MICAL1: variants seen among roughly 807,000 people sequenced by gnomAD.
MICAL1 encodes microtubule associated monooxygenase, calponin and LIM domain containing 1.
MICAL1 carries 95 observed loss-of-function variants against 131.8 expected under a neutral mutation model. The ratio of observed to expected loss-of-function variants is 0.72; its 90% confidence interval spans 0.61 to 0.86. The LOEUF (loss-of-function observed/expected upper bound fraction) is 0.86, where lower values mean the gene tolerates loss of function less well. Among genes scored for constraint, MICAL1 ranks in the 40% least tolerant of loss-of-function variants. MICAL1 has a pLI of 0.00. For synonymous variants in MICAL1, 546 were observed against 554.2 expected, an observed-to-expected ratio of 0.99 and a Z score of 0.21; for missense variants, 1,292 against 1,380.6, an observed-to-expected ratio of 0.94 and a Z score of 1.02.
At position 109,448,229 on chromosome 6, in the gene MICAL1, G is replaced by T. The variant is rs763543444; in HGVS notation, c.1829C>A (p.Ala610Asp). Residue 610 changes from alanine to aspartate, a missense_variant, in exon 13 of 25, where the codon GCC (alanine) becomes GAC (aspartate). Ala to Asp is a moderately radical substitution (Grantham distance 126). Transcript: ENST00000358807. ...LIAYLSHFHS[A>D]FKSMAHSPGP... is the part of the protein sequence containing the mutation. ...TGGGCTGTGGGCCATGCTCTTGAAGGCACTGTGGAAGTGGCTGAGGTAGGC... is the reference window on the plus strand; with the variant it reads ...TGGGCTGTGGGCCATGCTCTTGAAGTCACTGTGGAAGTGGCTGAGGTAGGC... 8.1e-6 allele frequency: 13 copies of T among 1,613,014 alleles called. No individual in the cohort carries two copies. Among genetic ancestry groups the T allele is most frequent in the Non-Finnish European group, 1.1e-5 (13 of 1,179,980 alleles).
At chr6:109,458,123 GAA>G (rs34496161), upstream of MICAL1, among the ~76,000 whole-genome samples, 2,730 of 137,412 alleles carry the variant, frequency 0.02, 93 homozygotes, top group African/African-American at 0.072. Context: ...TTTCTTCCAA[GAA>G]AAAAAAAAAA....
In MICAL1 at chr6:109,448,778, C is replaced by T; in HGVS notation, c.1618G>A (p.Gly540Arg). 1.2e-6 allele frequency: 2 copies of T among 1,614,120 alleles called. No individual in the cohort carries two copies. Among genetic ancestry groups the T allele is most frequent in the East Asian group, 2.2e-5 (1 of 44,876 alleles). ...VSDLSSSWAD[G>R]LALCALVYRL... ...TACACCAGGGCACACAGAGCTAGCCCATCAGCCCAGGAGGAAGACAAATCG... is the reference window on the plus strand; with the variant it reads ...TACACCAGGGCACACAGAGCTAGCCTATCAGCCCAGGAGGAAGACAAATCG... The change falls in exon 12 of 25, where the codon GGG becomes AGG. Residue 540 changes from glycine to arginine, a missense_variant. By Grantham distance (125) the Gly-to-Arg change is moderately radical. Coordinates refer to ENST00000358807, the MANE Select transcript of MICAL1 (RefSeq NM_022765.4).
chr6:109,465,705 G>A (rs748193818), exon 1 of MICAL1: 100 of 1,604,752 alleles, frequency 6.2e-5, no homozygotes, highest in Non-Finnish European at 8.3e-5. Context: ...TGGATGGAGG[G>A]CATTATAAAC....
At position 109,453,848 on chromosome 6, in the gene MICAL1, G is replaced by A. The variant is rs1775640912; in HGVS notation, c.259-3C>T. 1.2e-6 allele frequency: 2 copies of A among 1,613,026 alleles called. No homozygotes were observed. The highest frequency in any genetic ancestry group is 2.2e-5 in the South Asian group (2 of 91,072). On this transcript the variant is annotated splice_region_variant and splice_polypyrimidine_tract_variant and intron_variant, in intron 2 of 24. Transcript: ENST00000358807. ...GGTCCAGCACCCACCACCAGGCACT[G>A]TGAACACACAGGGCAGTGAGGGCAT...
intron 9 of MICAL1, 47 bp from the exon 10 acceptor site, chr6:109,449,830 T>C (rs1468276269): frequency 6.3e-7 from 1 of 1,589,624 alleles, no homozygotes; most frequent in Admixed American, 1.7e-5. Context: ...GGAGGGCACC[T>C]GTCAGCACCC....
intron 7 of MICAL1, among the ~76,000 whole-genome samples, chr6:109,451,118 T>C (rs901165854): frequency 6.6e-6 from 1 of 151,610 alleles, no homozygotes; most frequent in African/African-American, 2.4e-5. Context: ...GCCCAGAATA[T>C]GATTCCTGCT....
In MICAL1 at chr6:109,448,381, C is replaced by T. The variant is rs975995483; in HGVS notation, c.1677G>A (p.Glu559=). ...RLQPGLLEPS[E]LQGLGALEAT... is the part of the protein sequence containing the mutation. ...CTTCCAGAGCTCCCAGCCCCTGCAG[C>T]TCTGAGGGTTCCCTGTGGGATGTCA... Residue 559 remains glutamate (E), a synonymous_variant, in exon 13 of 25, where the codon GAG becomes GAA. Transcript: ENST00000358807. 3 of 1,613,570 alleles carry T rather than the reference C, an allele frequency of 1.9e-6. No individual in the cohort carries two copies. The highest frequency in any genetic ancestry group is 2.2e-5 in the East Asian group (1 of 44,880).
At chr6:109,447,500 G>A in intron 15 of MICAL1, 60 bp from the exon 16 acceptor site, 1 of 1,555,410 alleles carries the variant, frequency 6.4e-7, no homozygotes, top group Non-Finnish European at 8.8e-7. Context: ...GGGAGGGGAT[G>A]CGTACAGATG....
chr6:109,449,804 G>C, intron 9 of MICAL1, 21 bp from the exon 10 acceptor site: 1 of 1,600,300 alleles, frequency 6.2e-7, no homozygotes, highest in Non-Finnish European at 8.5e-7. Flanking sequence ...GAGGGTAAGG[G>C]GCAGGGGCAT....
At chr6:109,446,970 A>T in intron 17 of MICAL1, 103 bp downstream of exon 17, 1 of 1,435,742 alleles carries the variant, frequency 7.0e-7, no homozygotes, top group South Asian at 1.3e-5. Flanking sequence ...ACGAAGTGCC[A>T]TCTTGAGCCT....
chr6:109,465,531 T>G, intron 1 of MICAL1: 1 of 983,108 alleles, frequency 1.0e-6, no homozygotes, highest in Non-Finnish European at 1.5e-6. Context: ...AACCTATGGC[T>G]GTGAACATTT....
chr6:109,446,477 C>A (rs1211436880), intron 18 of MICAL1, 65 bp from the exon 19 acceptor site: 3 of 1,075,786 alleles, frequency 2.8e-6, no homozygotes, highest in Non-Finnish European at 2.7e-6. Context: ...CAAAGGTGAG[C>A]CTTGGCATTC....
chr6:109,444,185 C>T lies in MICAL1; in HGVS notation c.*6G>A, dbSNP rs1180825548. The T allele has an allele frequency of 6.2e-7, 1 of 1,610,258 alleles. No individual in the cohort carries two copies. The highest frequency in any genetic ancestry group is 1.1e-5 in the South Asian group (1 of 91,018). On this transcript the variant is annotated 3_prime_UTR_variant, in exon 25 of 25. Coordinates refer to ENST00000358807, the MANE Select transcript of MICAL1 (RefSeq NM_022765.4). ...GTGGGAACGAAAGCAGACGGCCCAC[C>T]CTCGTCTAGCCCTGGGCCCCTGTCC... is the stretch of plus-strand genomic sequence containing the variant.
intron 16 of MICAL1, 51 bp downstream of exon 16, chr6:109,447,306 C>T (rs1775272771): frequency 1.2e-6 from 2 of 1,613,852 alleles, no homozygotes; most frequent in African/African-American, 1.3e-5. Flanking sequence ...ATGAAACGCC[C>T]CTGCCCTGCC....
At chr6:109,451,889 A>G in intron 6 of MICAL1, 189 bp from the exon 7 acceptor site, 1 of 1,398,716 alleles carries the variant, frequency 7.1e-7, no homozygotes, top group Non-Finnish European at 9.3e-7. Context: ...AGGCCTGAGG[A>G]CTTAGAGCAA....
At chr6:109,453,601 G>T in intron 3 of MICAL1, 37 bp downstream of exon 3, 1 of 1,554,554 alleles carries the variant, frequency 6.4e-7, no homozygotes, top group Middle Eastern at 1.8e-4. Context: ...CTAGGCCCAA[G>T]CTCACCCGCC....
rs200911086 is a variant in MICAL1 at position 109,446,285 on chromosome 6, G to A, written c.2432C>T (p.Pro811Leu). 7.4e-6 allele frequency: 12 copies of A among 1,613,966 alleles called. No homozygotes were observed. Among genetic ancestry groups the A allele is most frequent in the South Asian group, 3.3e-5 (3 of 91,084 alleles). ...PTRRQIRLSSPERQRLSSLNL... is the reference protein window; with the variant it reads ...PTRRQIRLSSLERQRLSSLNL... Reference sequence around the variant, plus strand: ...AAGGGAGGACAACCGCTGGCGCTCCGGGCTGGAGAGGCGGATCTGCCGACG... The same window carrying A: ...AAGGGAGGACAACCGCTGGCGCTCCAGGCTGGAGAGGCGGATCTGCCGACG... Residue 811 changes from proline (P) to leucine (L), a missense_variant, in exon 19 of 25, where the codon CCG (proline) becomes CTG (leucine). Transcript: ENST00000358807.
rs1436859282 is a variant in MICAL1, at chr6:109,448,413, A to G, written c.1665-20T>C. 1.2e-6 allele frequency: 2 copies of G among 1,611,316 alleles called. No individual in the cohort carries two copies. Among genetic ancestry groups the G allele is most frequent in the Non-Finnish European group, 1.7e-6 (2 of 1,179,816 alleles). The stretch of plus-strand genomic sequence containing the variant: ...GGTTCCCTGTGGGATGTCAGGGAGA[A>G]AAGCCAACTAGAGACAAGAACCTAG... On this transcript the variant is annotated intron_variant, in intron 12 of 24. Coordinates refer to ENST00000358807, the MANE Select transcript of MICAL1 (RefSeq NM_022765.4).
chr6:109,446,428 T>TGTGGTCTGGTCAGTGACCTGCCCACG lies in MICAL1; in HGVS notation c.2305-17_2305-16insCGTGGGCAGGTCACTGACCAGACCAC. ...TGGGGAGCTCCTGGAAAAGCCACCATGTGGAGTGAGGTCGGGGGGTGAGGC... is the reference window on the plus strand; with the variant it reads ...TGGGGAGCTCCTGGAAAAGCCACCATGTGGTCTGGTCAGTGACCTGCCCACGGTGGAGTGAGGTCGGGGGGTGAGGC... On this transcript the variant is annotated splice_polypyrimidine_tract_variant and intron_variant, in intron 18 of 24. Coordinates refer to ENST00000358807, the MANE Select transcript of MICAL1 (RefSeq NM_022765.4). 6.2e-7 allele frequency: 1 copy of TGTGGTCTGGTCAGTGACCTGCCCACG among 1,612,628 alleles called. No individual in the cohort carries two copies. The highest frequency in any genetic ancestry group is 1.1e-5 in the South Asian group (1 of 91,046).
Sources: allele counts gnomAD v4.1 joint callset (sites outside exome capture counted in the v4.1 genomes callset), GRCh38; gene constraint gnomAD v4.1.1; transcripts MANE v1.5; gene names NCBI Gene and HGNC (gene_info 2026-07-23, HGNC 2026-07-21).